The following TLE2 variants were observed in gnomAD, a reference collection of about 807,000 sequenced individuals.
The protein encoded by TLE2 is transducin-like enhancer protein 2.
TLE2 carries 74 observed loss-of-function variants against 97.2 expected under a neutral mutation model. The ratio of observed to expected loss-of-function variants is 0.76; its 90% CI spans 0.63 to 0.92. The LOEUF (loss-of-function observed/expected upper bound fraction) is 0.92. Among genes scored for constraint, TLE2 ranks in the 40% least tolerant of loss-of-function variants. The pLI is 0.00. For missense variants in TLE2, 1,038 were observed against 1,008.7 expected (o/e 1.03, Z -0.39); for synonymous variants, 499 against 432.1 (o/e 1.15, Z -1.92).
chr19:3,034,869 C>A (rs1438478407), intron 1 of TLE2, among the ~76,000 whole-genome samples: 1 of 152,120 alleles, frequency 6.6e-6, no homozygotes, highest in African/African-American at 2.4e-5. Context: ...TACAGGGACA[C>A]GTACCCTCCC....
At position 3,044,308 on chromosome 19, in the gene TLE2, C is replaced by T. The variant is rs373540128; in HGVS notation, c.63+1418G>A. ...TCGATAATCGCACATCTGGGTGTGCCGCCCCTTTGCTGCTCGAACACCATC... is the reference window on the plus strand; with the variant it reads ...TCGATAATCGCACATCTGGGTGTGCTGCCCCTTTGCTGCTCGAACACCATC... On this transcript the variant is annotated intron_variant, in intron 1 of 18. Transcript: ENST00000426948. Among the ~76,000 whole-genome samples the T allele has an allele frequency of 1.9e-4, 29 of 152,312 alleles. No homozygotes were observed. In the East Asian group the frequency reaches 4.4e-3, roughly 23 times the overall value.
chr19:3,019,723 C>T lies in TLE2; in HGVS notation c.345G>A (p.Val115=), dbSNP rs551611443. ...CCCCGATGAGGCTGTTCAGCTCCCCCACGGTGACCTGCTTGGCGCGTTCTA... is the reference window on the plus strand; with the variant it reads ...CCCCGATGAGGCTGTTCAGCTCCCCTACGGTGACCTGCTTGGCGCGTTCTA... ...QAVERAKQVT[V]GELNSLIGQQ... Residue 115 remains valine (V), a synonymous_variant, in exon 6 of 20, where the codon GTG becomes GTA. Transcript: ENST00000262953. This position sits in a 1 kb window ranked among gnomAD's most constrained non-coding sequence, Gnocchi z 5.1. 2.4e-5 allele frequency: 39 copies of T among 1,612,596 alleles called. No individual in the cohort carries two copies. In the Admixed American group the frequency reaches 5.8e-4, roughly 24 times the overall value.
intron 8 of TLE2, among the ~76,000 whole-genome samples, chr19:3,016,515 A>G (rs1037193803): frequency 1.2e-4 from 18 of 147,562 alleles, no homozygotes; most frequent in African/African-American, 4.4e-4. Flanking sequence ...ACTTGAACCC[A>G]GGAGGCGGAG....
At chr19:3,027,926 T>C in intron 3 of TLE2, 53 bp from the exon 4 acceptor site, 1 of 1,547,918 alleles carries the variant, frequency 6.5e-7, no homozygotes, top group Non-Finnish European at 8.8e-7. Context: ...GGTGCCCTCC[T>C]CCAGATAGGT....
intron 7 of TLE2, 56 bp from the exon 8 acceptor site, chr19:3,017,915 A>C (rs2089748257): frequency 6.4e-7 from 1 of 1,573,870 alleles, no homozygotes; most frequent in Non-Finnish European, 8.7e-7. Flanking sequence ...AGGCGTTTGT[A>C]TCCACGGCGC....
rs553015954 is a variant in TLE2 at position 3,019,819 on chromosome 19, T to A, written c.295-46A>T. On this transcript the variant is annotated intron_variant, in intron 5 of 19. Transcript: ENST00000262953. The surrounding 1 kb of genome is among the most constrained non-coding windows in gnomAD (Gnocchi z 5.1). ...GGTAGAGGGTACATTGAGCCCCTGCTCATGCTAGCGGTGCCCTTGGGGACC... is the reference window on the plus strand; with the variant it reads ...GGTAGAGGGTACATTGAGCCCCTGCACATGCTAGCGGTGCCCTTGGGGACC... 145 of 1,586,552 alleles carry A rather than the reference T, an allele frequency of 9.1e-5. 2 individuals carry two copies. The South Asian group carries it at 1.4e-3, about 15-fold the overall frequency.
At position 3,026,454 on chromosome 19, in the gene TLE2, T is replaced by TAA. The variant is rs1568249444; in HGVS notation, c.232-1373_232-1372insTT. ...CAAGAGTGAAACTTTGTCTCAAAATTTAAAAAAAAAAAAAAAAAAAAAAAA... is the reference window on the plus strand; with the variant it reads ...CAAGAGTGAAACTTTGTCTCAAAATTAATAAAAAAAAAAAAAAAAAAAAAAAA... On this transcript the variant is annotated intron_variant, in intron 4 of 19. Transcript: ENST00000262953. Among the ~76,000 whole-genome samples, 939 of 104,476 alleles carry TAA rather than the reference T, an allele frequency of 9.0e-3. 10 individuals carry two copies. The highest frequency in any genetic ancestry group is 0.036 in the African/African-American group (889 of 24,746). 68.5% of individuals were successfully genotyped at this position (104,476 alleles called of 152,430 possible).
chr19:3,046,050 TATG>T (rs1385114758), upstream of TLE2, among the ~76,000 whole-genome samples: 7 of 152,210 alleles, frequency 4.6e-5, no homozygotes, highest in Admixed American at 3.9e-4. Flanking sequence ...TTGTTATCTT[TATG>T]ATATCTTTGC....
At chr19:3,029,489 C>A, upstream of TLE2, 1 of 983,086 alleles carries the variant, frequency 1.0e-6, no homozygotes, top group Non-Finnish European at 1.2e-6. Flanking sequence ...AGGGTCCCCA[C>A]CCCCTCCCGG....
intron 8 of TLE2, among the ~76,000 whole-genome samples, chr19:3,017,123 T>A (rs2089724708): frequency 6.6e-6 from 1 of 151,466 alleles, no homozygotes; most frequent in Admixed American, 6.6e-5. Context: ...GATCTTGTTT[T>A]TTTATTGTTG....
At chr19:3,034,315 A>G (rs560258578) in intron 1 of TLE2, among the ~76,000 whole-genome samples, 15 of 151,644 alleles carry the variant, frequency 9.9e-5, no homozygotes, top group African/African-American at 3.1e-4. Context: ...GTGATCTTCA[A>G]TTGGAGCCTG....
chr19:3,026,436 G>A (rs1416994876), intron 4 of TLE2, among the ~76,000 whole-genome samples: 1 of 132,786 alleles, frequency 7.5e-6, no homozygotes, highest in East Asian at 2.1e-4. Context: ...CAACAAGAGT[G>A]AAACTTTGTC....
intron 17 of TLE2, among the ~76,000 whole-genome samples, chr19:3,004,388 C>A (rs1366176210): frequency 1.3e-5 from 2 of 151,802 alleles, no homozygotes; most frequent in Non-Finnish European, 1.5e-5. Flanking sequence ...GCCTGTAATT[C>A]CCACACTGGG....
intron 7 of TLE2, among the ~76,000 whole-genome samples, chr19:3,018,095 T>A (rs1392996634): frequency 6.6e-6 from 1 of 151,030 alleles, no homozygotes; most frequent in Non-Finnish European, 1.5e-5. Flanking sequence ...CCATTGGGGG[T>A]GATGTTGAAC....
At chr19:3,029,776 CA>C (rs2090007890), upstream of TLE2, among the ~76,000 whole-genome samples, 1 of 151,970 alleles carries the variant, frequency 6.6e-6, no homozygotes, top group Admixed American at 6.6e-5. Context: ...TGCAAAAGGT[CA>C]GGGGTGGTGC....
At chr19:3,028,226 G>T in intron 3 of TLE2, 93 bp downstream of exon 3, 1 of 1,310,672 alleles carries the variant, frequency 7.6e-7, no homozygotes, top group Non-Finnish European at 1.1e-6. Flanking sequence ...GGAAGACGAG[G>T]TTCGGAGTGG....
At chr19:3,032,263 C>T (rs1315536586), upstream of TLE2, among the ~76,000 whole-genome samples, 2 of 151,404 alleles carry the variant, frequency 1.3e-5, no homozygotes, top group Non-Finnish European at 2.9e-5. This position sits in a 1 kb window ranked among gnomAD's most constrained non-coding sequence, Gnocchi z 4.1. Context: ...TGTTTTGAGA[C>T]GGAGTCTCAT....
In TLE2 at chr19:3,009,722, G is replaced by C. The variant is rs567212466; in HGVS notation, c.1013-20C>G. ...TCAGGGCTGAGACGGAAGAGTCGGG[G>C]ACAGGTTTTGACGCCCTGGACCCAG... On this transcript the variant is annotated intron_variant, in intron 12 of 19. Coordinates refer to ENST00000262953, the MANE Select transcript of TLE2 (RefSeq NM_003260.5). The C allele has an allele frequency of 6.3e-7, 1 of 1,594,138 alleles. No homozygotes were observed. Among genetic ancestry groups the C allele is most frequent in the South Asian group, 1.1e-5 (1 of 87,594 alleles).
Position 3,005,985 on chromosome 19 carries a change from A to C in TLE2, c.1501-17T>G. 2.5e-6 allele frequency: 4 copies of C among 1,609,132 alleles called. No individual in the cohort carries two copies. The highest frequency in any genetic ancestry group is 2.2e-5 in the East Asian group (1 of 44,728). Reference sequence around the variant, plus strand: ...GTCTCGGTTCTGGGGTCGGGGAGAGAAGCAGGGGCTGGGGGTTGGTCCCAG... The same window carrying C: ...GTCTCGGTTCTGGGGTCGGGGAGAGCAGCAGGGGCTGGGGGTTGGTCCCAG... On this transcript the variant is annotated splice_polypyrimidine_tract_variant and intron_variant, in intron 15 of 19. Transcript: ENST00000262953.
Sources: allele counts gnomAD v4.1 joint callset (sites outside exome capture counted in the v4.1 genomes callset), GRCh38; gene constraint gnomAD v4.1.1; non-coding constraint Gnocchi (gnomAD v3.1); transcripts MANE v1.5; gene names NCBI Gene and HGNC (gene_info 2026-07-23, HGNC 2026-07-21).